The following NUMB variants were observed in gnomAD, a reference collection of about 807,000 sequenced individuals.
NUMB encodes NUMB endocytic adaptor protein.
A neutral mutation model predicts 59.7 loss-of-function variants in NUMB; 29 were observed. That is an observed-to-expected ratio of 0.49 (90% confidence interval 0.36 to 0.66). The LOEUF (loss-of-function observed/expected upper bound fraction) is 0.66. Among genes scored for constraint, NUMB ranks in the 30% least tolerant of loss-of-function variants. The probability of loss-of-function intolerance (pLI) is 0.00; values close to 1 mark genes in which losing one functional copy is unlikely to be tolerated. For missense variants in NUMB, 723 were observed against 822.0 expected, an observed-to-expected ratio of 0.88 and a Z score of 1.47; for synonymous variants, 288 against 288.2, an observed-to-expected ratio of 1.00 and a Z score of 0.01.
At chr14:73,318,760 A>G (rs1201108050) in intron 5 of NUMB, among the ~76,000 whole-genome samples, 1 of 152,258 alleles carries the variant, frequency 6.6e-6, no homozygotes, top group Admixed American at 6.5e-5. Flanking sequence ...ATAGCTGTCA[A>G]TAACTTTATG....
At chr14:73,299,962 A>G (rs1316183514) in intron 6 of NUMB, among the ~76,000 whole-genome samples, 1 of 152,288 alleles carries the variant, frequency 6.6e-6, no homozygotes, top group East Asian at 1.9e-4. Context: ...TTCATCCGTA[A>G]AATATTTGTA....
At chr14:73,322,334 G>A (rs1891447255) in intron 5 of NUMB, among the ~76,000 whole-genome samples, 3 of 152,216 alleles carry the variant, frequency 2.0e-5, no homozygotes, top group Non-Finnish European at 4.4e-5. Flanking sequence ...TCCTTTCACT[G>A]AATACACAGG....
chr14:73,383,251 T>C (rs1229713988), intron 2 of NUMB, among the ~76,000 whole-genome samples: 2 of 151,754 alleles, frequency 1.3e-5, no homozygotes, highest in African/African-American at 2.4e-5. Context: ...TTCAGGAAAA[T>C]AGAGGACAAG....
At chr14:73,352,831 C>T (rs894041528) in intron 4 of NUMB, among the ~76,000 whole-genome samples, 59 of 149,928 alleles carry the variant, frequency 3.9e-4, no homozygotes, top group African/African-American at 1.4e-3. Flanking sequence ...CATGAGCCAC[C>T]GTGCCTGCCC....
At chr14:73,425,621 T>C (rs1897544474) in intron 1 of NUMB, among the ~76,000 whole-genome samples, 1 of 152,164 alleles carries the variant, frequency 6.6e-6, no homozygotes, top group South Asian at 2.1e-4. Flanking sequence ...ACTATATAAC[T>C]GTCTAAATAC....
At chr14:73,405,575 T>C (rs1896621270) in intron 2 of NUMB, among the ~76,000 whole-genome samples, 1 of 151,786 alleles carries the variant, frequency 6.6e-6, no homozygotes, top group South Asian at 2.1e-4. Flanking sequence ...AGTGCTAGGA[T>C]TACAGGTGTG....
chr14:73,292,991 G>T, intron 7 of NUMB, 117 bp from the exon 8 acceptor site: 2 of 993,068 alleles, frequency 2.0e-6, no homozygotes, highest in South Asian at 1.5e-5. Context: ...CTAGGCTATG[G>T]AATACCTAGA....
In NUMB at chr14:73,284,304, G is replaced by T; in HGVS notation, c.726C>A (p.Pro242=). The change falls in exon 10 of 13, where the codon CCC becomes CCA. Residue 242 remains proline, a synonymous_variant. Transcript: ENST00000555238. ...PGNTAPSPSS[P]TSPTSDATTS... is the part of the protein sequence containing the mutation. ...TCGTGGCATCAGAAGTAGGAGAGGTGGGAGAGGATGGGGATGGGGCAGTGT... is the reference window on the plus strand; with the variant it reads ...TCGTGGCATCAGAAGTAGGAGAGGTTGGAGAGGATGGGGATGGGGCAGTGT... 1 of 1,614,102 alleles carries T rather than the reference G, an allele frequency of 6.2e-7. No individual in the cohort carries two copies. Among genetic ancestry groups the T allele is most frequent in the Non-Finnish European group, 8.5e-7 (1 of 1,179,978 alleles).
At chr14:73,382,860 T>C (rs1199142868) in intron 2 of NUMB, among the ~76,000 whole-genome samples, 1 of 152,142 alleles carries the variant, frequency 6.6e-6, no homozygotes, top group African/African-American at 2.4e-5. Context: ...AAAGATCAAA[T>C]AGGAGCTGGG....
intron 2 of NUMB, among the ~76,000 whole-genome samples, chr14:73,368,237 T>C (rs1434715819): frequency 3.3e-5 from 5 of 152,072 alleles, no homozygotes; most frequent in Non-Finnish European, 7.4e-5. Flanking sequence ...CAAAGAAAAT[T>C]ACACAAGCAA....
intron 1 of NUMB, among the ~76,000 whole-genome samples, chr14:73,456,767 A>G (rs996600467): frequency 1.3e-5 from 2 of 152,198 alleles, no homozygotes; most frequent in Non-Finnish European, 2.9e-5. Flanking sequence ...CATTAAAGTA[A>G]GTGGTTCTTA....
At chr14:73,291,818 G>C (rs1191950187) in intron 8 of NUMB, among the ~76,000 whole-genome samples, 1 of 151,312 alleles carries the variant, frequency 6.6e-6, no homozygotes, top group African/African-American at 2.4e-5. Context: ...CGAGTAGCTG[G>C]GACTACAGGC....
chr14:73,283,771 C>G (rs1888796616), intron 10 of NUMB, among the ~76,000 whole-genome samples: 1 of 152,206 alleles, frequency 6.6e-6, no homozygotes, highest in African/African-American at 2.4e-5. Context: ...ACTTGAGACC[C>G]TTGATGTTTG....
chr14:73,330,200 T>C (rs539895469), intron 4 of NUMB, among the ~76,000 whole-genome samples: 1 of 152,200 alleles, frequency 6.6e-6, no homozygotes, highest in East Asian at 1.9e-4. Flanking sequence ...CAGTTAATTT[T>C]TGTATTTTTT....
chr14:73,313,668 GAAAAAA>G (rs10582204), intron 6 of NUMB, among the ~76,000 whole-genome samples: 1 of 124,120 alleles, frequency 8.1e-6, no homozygotes, highest in African/African-American at 3.2e-5. Flanking sequence ...TCCAAAATCT[GAAAAAA>G]AAAAAAAAAA....
At chr14:73,311,109 T>G (rs1202594132) in intron 6 of NUMB, among the ~76,000 whole-genome samples, 1 of 152,152 alleles carries the variant, frequency 6.6e-6, no homozygotes, top group Non-Finnish European at 1.5e-5. Flanking sequence ...TGAAGTGCAG[T>G]GTCATGATCT....
intron 4 of NUMB, among the ~76,000 whole-genome samples, chr14:73,334,479 T>G (rs999373721): frequency 2.6e-5 from 4 of 152,230 alleles, no homozygotes; most frequent in African/African-American, 9.6e-5. Context: ...TTGACAGAAC[T>G]GACCTATGAA....
intron 2 of NUMB, among the ~76,000 whole-genome samples, chr14:73,370,604 A>AT (rs1369853014): frequency 6.6e-6 from 1 of 152,096 alleles, no homozygotes; most frequent in Non-Finnish European, 1.5e-5. Context: ...AGGCAGGAGA[A>AT]TTGCTTGAAC....
chr14:73,379,253 CGTAA>C (rs1895114134), intron 2 of NUMB, among the ~76,000 whole-genome samples: 1 of 152,146 alleles, frequency 6.6e-6, no homozygotes, highest in South Asian at 2.1e-4. Context: ...GGGGAAAGCA[CGTAA>C]GTGTTGCTTT....
Sources: allele counts gnomAD v4.1 joint callset (sites outside exome capture counted in the v4.1 genomes callset), GRCh38; gene constraint gnomAD v4.1.1; transcripts MANE v1.5; gene names NCBI Gene and HGNC (gene_info 2026-07-23, HGNC 2026-07-21).